The following OPCML variants were observed in gnomAD, a reference collection of about 807,000 sequenced individuals.
The protein encoded by OPCML is opioid binding protein/cell adhesion molecule like, also known as opioid-binding protein/cell adhesion molecule.
In OPCML, 13 loss-of-function variants were observed where a neutral mutation model predicts 37.8. The observed-to-expected ratio is 0.34, with a 90% confidence interval of 0.22 to 0.55. OPCML has a LOEUF of 0.55. OPCML is among the 20% of genes least tolerant of loss of function. OPCML has a pLI of 0.91. For synonymous variants in OPCML, 176 were observed against 168.8 expected, an observed-to-expected ratio of 1.04 and a Z score of -0.33; for missense variants, 341 against 435.6, an observed-to-expected ratio of 0.78 and a Z score of 1.93.
chr11:132,453,828 G>A (rs2096074657), intron 4 of OPCML, among the ~76,000 whole-genome samples: 1 of 152,130 alleles, frequency 6.6e-6, no homozygotes, highest in African/African-American at 2.4e-5. Flanking sequence ...GCATGGACAG[G>A]GTGAGGAGGA....
At chr11:133,113,733 T>C (rs1592013792) in intron 1 of OPCML, among the ~76,000 whole-genome samples, 2 of 152,174 alleles carry the variant, frequency 1.3e-5, no homozygotes, top group Admixed American at 1.3e-4. Flanking sequence ...TTTTAAGATT[T>C]GTCTTAGCTT....
intron 1 of OPCML, chr11:133,003,695 C>T (rs989697861): frequency 2.2e-5 from 22 of 985,242 alleles, no homozygotes; most frequent in Admixed American, 6.2e-5. Context: ...CTATTGCTTC[C>T]GGTAATGAAT....
At chr11:133,384,619 C>G (rs1945005209) in intron 1 of OPCML, among the ~76,000 whole-genome samples, 1 of 152,206 alleles carries the variant, frequency 6.6e-6, no homozygotes, top group African/African-American at 2.4e-5. Flanking sequence ...TGTCGCTTGT[C>G]CCCAAAGAAA....
chr11:133,272,252 T>TAAAA (rs544482291), intron 1 of OPCML, among the ~76,000 whole-genome samples: 1 of 124,462 alleles, frequency 8.0e-6, no homozygotes. Flanking sequence ...ATATTTGGAC[T>TAAAA]AAAAAAAAAA....
intron 1 of OPCML, among the ~76,000 whole-genome samples, chr11:133,500,954 T>C (rs958711400): frequency 2.6e-5 from 4 of 151,262 alleles, no homozygotes; most frequent in African/African-American, 9.7e-5. Context: ...AGTACAGGGC[T>C]CCTGGGGAGG....
chr11:132,835,627 T>C (rs1940959562), intron 2 of OPCML, among the ~76,000 whole-genome samples: 1 of 152,244 alleles, frequency 6.6e-6, no homozygotes, highest in African/African-American at 2.4e-5. Context: ...AATCAAGTCA[T>C]GGTGGGATAC....
At chr11:132,808,246 G>A (rs1293207228) in intron 2 of OPCML, among the ~76,000 whole-genome samples, 4 of 152,182 alleles carry the variant, frequency 2.6e-5, no homozygotes, top group East Asian at 1.9e-4. Flanking sequence ...CTCCGACTGC[G>A]GGATGTTGAG....
At chr11:133,097,363 C>G (rs921074734) in intron 1 of OPCML, among the ~76,000 whole-genome samples, 1 of 152,150 alleles carries the variant, frequency 6.6e-6, no homozygotes, top group Non-Finnish European at 1.5e-5. Flanking sequence ...GAAAATGGAA[C>G]TTATCACATG....
chr11:133,369,172 G>A (rs1188725586), intron 1 of OPCML, among the ~76,000 whole-genome samples: 1 of 152,096 alleles, frequency 6.6e-6, no homozygotes, highest in Non-Finnish European at 1.5e-5. Flanking sequence ...AAAAACATGG[G>A]CCCTGGCTTA....
chr11:133,050,182 C>T (rs540408298), intron 1 of OPCML, among the ~76,000 whole-genome samples: 1 of 152,310 alleles, frequency 6.6e-6, no homozygotes, highest in South Asian at 2.1e-4. Context: ...TTAGCTCCTG[C>T]CCATTCTAGT....
chr11:132,801,071 C>A (rs1938621458), intron 2 of OPCML, among the ~76,000 whole-genome samples: 2 of 152,250 alleles, frequency 1.3e-5, no homozygotes, highest in Admixed American at 6.5e-5. Context: ...AACTTATTTA[C>A]TTTGTATAGG....
chr11:133,259,455 C>A (rs1404418850), intron 1 of OPCML, among the ~76,000 whole-genome samples: 2 of 152,138 alleles, frequency 1.3e-5, no homozygotes, highest in East Asian at 1.9e-4. Flanking sequence ...ATGCTTTTCA[C>A]CCCTACTAGG....
At chr11:133,433,814 A>C (rs73035184) in intron 1 of OPCML, among the ~76,000 whole-genome samples, 19,320 of 152,068 alleles carry the variant, frequency 0.13, 1,406 homozygotes, top group African/African-American at 0.17. Flanking sequence ...TAAACTCTGT[A>C]ATCTTCCCGG....
At chr11:133,303,128 A>C (rs1184202758) in intron 1 of OPCML, among the ~76,000 whole-genome samples, 3 of 152,194 alleles carry the variant, frequency 2.0e-5, no homozygotes, top group African/African-American at 7.2e-5. Flanking sequence ...GTAAGTGAAA[A>C]ATATCTGGAA....
At chr11:133,192,936 T>C (rs1938383868) in intron 1 of OPCML, among the ~76,000 whole-genome samples, 1 of 151,916 alleles carries the variant, frequency 6.6e-6, no homozygotes, top group Non-Finnish European at 1.5e-5. Context: ...AACAAATTAC[T>C]AAAATAAAGG....
At chr11:133,426,291 T>C (rs1946000771) in intron 1 of OPCML, among the ~76,000 whole-genome samples, 1 of 151,514 alleles carries the variant, frequency 6.6e-6, no homozygotes, top group South Asian at 2.1e-4. Flanking sequence ...CAGTAGCAGA[T>C]TTTTTTTTAA....
chr11:132,747,078 CTAT>C (rs754221229), intron 2 of OPCML, among the ~76,000 whole-genome samples: 4 of 151,914 alleles, frequency 2.6e-5, no homozygotes, highest in Admixed American at 6.6e-5. Flanking sequence ...ACTAGAATTA[CTAT>C]TATTAGTTGA....
At chr11:132,492,424 A>G (rs995522910) in intron 4 of OPCML, among the ~76,000 whole-genome samples, 1 of 152,134 alleles carries the variant, frequency 6.6e-6, no homozygotes, top group Non-Finnish European at 1.5e-5. Context: ...TGTATGGGGT[A>G]TAGGGCGCGA....
intron 1 of OPCML, among the ~76,000 whole-genome samples, chr11:133,438,929 A>G (rs1946300212): frequency 6.6e-6 from 1 of 152,176 alleles, no homozygotes; most frequent in South Asian, 2.1e-4. Flanking sequence ...GTGAACCCGG[A>G]GAGGGCATGG....
Sources: allele counts gnomAD v4.1 joint callset (sites outside exome capture counted in the v4.1 genomes callset), GRCh38; gene constraint gnomAD v4.1.1; transcripts MANE v1.5; gene names NCBI Gene and HGNC (gene_info 2026-07-23, HGNC 2026-07-21).